Variants in MDFIC2 observed in about 807,000 individuals in gnomAD.
MDFIC2 encodes myoD family inhibitor domain-containing protein 2.
chr3:70,271,610 T>C (rs1473325011), intron 2 of MDFIC2, among the ~76,000 whole-genome samples: 3 of 152,216 alleles, frequency 2.0e-5, no homozygotes, highest in East Asian at 1.9e-4. Context: ...TTTCATCTTA[T>C]AGCCAAAACA....
chr3:70,218,071 A>G (rs1228016940), intron 2 of MDFIC2, among the ~76,000 whole-genome samples: 1 of 152,132 alleles, frequency 6.6e-6, no homozygotes, highest in African/African-American at 2.4e-5. Context: ...TGTGTGCCCA[A>G]TGAACTATGG....
intron 2 of MDFIC2, among the ~76,000 whole-genome samples, chr3:70,209,471 T>C (rs1701321394): frequency 6.6e-6 from 1 of 151,842 alleles, no homozygotes. Context: ...TCACAAAGAG[T>C]CTAGGAGGTA....
chr3:70,302,697 G>C (rs892307170), intron 2 of MDFIC2: 5 of 152,196 alleles, frequency 3.3e-5, no homozygotes, highest in African/African-American at 1.2e-4. Context: ...GGTGAGCTAA[G>C]ATCATTCTGG....
intron 2 of MDFIC2, among the ~76,000 whole-genome samples, chr3:70,252,879 A>T (rs1701782339): frequency 6.6e-6 from 1 of 151,992 alleles, no homozygotes; most frequent in Non-Finnish European, 1.5e-5. Context: ...CAGGAGTTCG[A>T]GACCAGCGTG....
intron 3 of MDFIC2, among the ~76,000 whole-genome samples, chr3:70,202,889 A>C (rs1375980391): frequency 6.6e-6 from 1 of 152,106 alleles, no homozygotes; most frequent in Non-Finnish European, 1.5e-5. Context: ...ATTAGAGTGG[A>C]AAAGGTGGCA....
chr3:70,277,436 T>C (rs1036016668), intron 2 of MDFIC2, among the ~76,000 whole-genome samples: 1 of 152,202 alleles, frequency 6.6e-6, no homozygotes, highest in African/African-American at 2.4e-5. Context: ...TTACAAGGTA[T>C]GAAGGCTTTT....
chr3:70,233,734 G>C (rs1701583367), intron 2 of MDFIC2, among the ~76,000 whole-genome samples: 1 of 152,062 alleles, frequency 6.6e-6, no homozygotes, highest in Admixed American at 6.5e-5. Flanking sequence ...CATGTAAACT[G>C]AATCACTCAG....
chr3:70,311,743 G>GA (rs200014435), intron 2 of MDFIC2, 143 bp downstream of exon 2: 442 of 367,360 alleles, frequency 1.2e-3, no homozygotes, highest in Non-Finnish European at 1.4e-3. Flanking sequence ...ATAAGAATTT[G>GA]AAAAAAAAAG....
chr3:70,266,804 C>A (rs998051768), intron 2 of MDFIC2, among the ~76,000 whole-genome samples: 1 of 152,012 alleles, frequency 6.6e-6, no homozygotes, highest in Admixed American at 6.6e-5. Flanking sequence ...AGCTTCAAAG[C>A]AAATTAGTAG....
At position 70,195,003 on chromosome 3, in the gene MDFIC2, G is replaced by GT. The variant is rs1158330406; in HGVS notation, c.*1922dup. 2.0e-5 allele frequency among the ~76,000 whole-genome samples: 3 copies of GT among 152,100 alleles called. No individual in the cohort carries two copies. Among genetic ancestry groups the GT allele is most frequent in the Non-Finnish European group, 4.4e-5 (3 of 68,028 alleles). On this transcript the variant is annotated 3_prime_UTR_variant, in exon 4 of 4. Coordinates refer to ENST00000567252, the MANE Select transcript of MDFIC2 (RefSeq NM_001364677.1). Reference sequence around the variant, plus strand: ...GTAGTGTTTTAGTATTTTAACAATTGTAACACCTGCACCACTGAGTACCAG... The same window carrying GT: ...GTAGTGTTTTAGTATTTTAACAATTGTTAACACCTGCACCACTGAGTACCAG...
At chr3:70,290,808 G>A (rs1033399854) in intron 2 of MDFIC2, among the ~76,000 whole-genome samples, 3 of 152,190 alleles carry the variant, frequency 2.0e-5, no homozygotes, top group Non-Finnish European at 4.4e-5. Flanking sequence ...ATTCGGGTGG[G>A]AGTGACCCGA....
At chr3:70,271,619 C>CAAT (rs1359070941) in intron 2 of MDFIC2, among the ~76,000 whole-genome samples, 3 of 152,168 alleles carry the variant, frequency 2.0e-5, no homozygotes, top group Non-Finnish European at 4.4e-5. Context: ...ATAGCCAAAA[C>CAAT]AATAGACCCA....
intron 2 of MDFIC2, among the ~76,000 whole-genome samples, chr3:70,267,651 C>T (rs1355687904): frequency 1.3e-5 from 2 of 149,764 alleles, no homozygotes; most frequent in Non-Finnish European, 3.0e-5. Flanking sequence ...CTCCTGACCT[C>T]GAGGTCCGCC....
intron 2 of MDFIC2, among the ~76,000 whole-genome samples, chr3:70,219,759 C>G (rs1030726716): frequency 6.6e-6 from 1 of 152,094 alleles, no homozygotes; most frequent in Non-Finnish European, 1.5e-5. Context: ...AAGAGCAATT[C>G]TGAAACTCTC....
intron 2 of MDFIC2, among the ~76,000 whole-genome samples, chr3:70,294,868 G>C (rs113498618): frequency 0.023 from 3,527 of 152,186 alleles, 55 homozygotes; most frequent in Non-Finnish European, 0.035. Context: ...ATCCAAAATA[G>C]GAGACTATCT....
At chr3:70,265,292 G>GA (rs1701906135) in intron 2 of MDFIC2, among the ~76,000 whole-genome samples, 1 of 152,120 alleles carries the variant, frequency 6.6e-6, no homozygotes, top group Non-Finnish European at 1.5e-5. Context: ...GAAGAAGGGA[G>GA]AAAAAACTAA....
At chr3:70,255,692 C>G (rs1159371072) in intron 2 of MDFIC2, among the ~76,000 whole-genome samples, 1 of 152,048 alleles carries the variant, frequency 6.6e-6, no homozygotes, top group Non-Finnish European at 1.5e-5. Context: ...CTGCTGGGCT[C>G]AAGTATTCCC....
At chr3:70,283,959 C>T (rs1702115173) in intron 2 of MDFIC2, 1 of 152,010 alleles carries the variant, frequency 6.6e-6, no homozygotes. Context: ...CTTCTGATCC[C>T]TGATCTCTAG....
At chr3:70,294,445 C>G (rs528691508) in intron 2 of MDFIC2, among the ~76,000 whole-genome samples, 32 of 151,974 alleles carry the variant, frequency 2.1e-4, no homozygotes, top group African/African-American at 7.7e-4. Context: ...AATAAGAAAC[C>G]ATATATTCCC....
Sources: gnomAD v4.1 joint callset for allele counts (sites outside exome capture counted in the v4.1 genomes callset) on GRCh38, gnomAD v4.1.1 for gene constraint, MANE v1.5 for transcripts, NCBI Gene and HGNC (gene_info 2026-07-23, HGNC 2026-07-21) for gene names.